MIPOL1: variants seen among roughly 807,000 people sequenced by gnomAD.
MIPOL1 encodes mirror-image polydactyly 1, also known as mirror-image polydactyly gene 1 protein.
A neutral mutation model predicts 60.9 loss-of-function variants in MIPOL1; 57 were observed. The observed-to-expected ratio is 0.94, with a 90% CI of 0.76 to 1.17. The LOEUF (loss-of-function observed/expected upper bound fraction) is 1.17. Ranked by LOEUF, MIPOL1 falls within the 50% of genes most tolerant of loss-of-function variation. The pLI, the probability that MIPOL1 is intolerant of heterozygous loss-of-function variation, is 0.00. For missense variants in MIPOL1, 551 were observed against 511.6 expected (o/e 1.08, Z -0.74); for synonymous variants, 179 against 168.8 (o/e 1.06, Z -0.47).
intron 1 of MIPOL1, among the ~76,000 whole-genome samples, chr14:37,234,783 T>C (rs1193357711): frequency 6.7e-6 from 1 of 148,440 alleles, no homozygotes; most frequent in Non-Finnish European, 1.5e-5. Context: ...GCTGAATTCT[T>C]TTTTTTTTTT....
chr14:37,482,495 A>AG (rs925555670), intron 11 of MIPOL1, among the ~76,000 whole-genome samples: 3 of 152,094 alleles, frequency 2.0e-5, no homozygotes, highest in Admixed American at 6.6e-5. Flanking sequence ...CACATGGCTG[A>AG]GGGGGGCCTC....
At chr14:37,272,311 C>T (rs2083357392) in intron 6 of MIPOL1, among the ~76,000 whole-genome samples, 1 of 151,462 alleles carries the variant, frequency 6.6e-6, no homozygotes, top group South Asian at 2.1e-4. Context: ...TATCTTTCCT[C>T]TTTAATATTT....
At chr14:37,237,578 G>A (rs1467996148) in intron 1 of MIPOL1, among the ~76,000 whole-genome samples, 1 of 152,018 alleles carries the variant, frequency 6.6e-6, no homozygotes, top group East Asian at 1.9e-4. Context: ...CCACTATTTT[G>A]CTAACATCTC....
chr14:37,222,386 C>G lies in MIPOL1; in HGVS notation c.-199+24282C>G, dbSNP rs372502150. ...TACAGGCATGCATCAACACACCTGGCTTTTTTTTTTTTTTTTTAACTTATT... is the reference window on the plus strand; with the variant it reads ...TACAGGCATGCATCAACACACCTGGGTTTTTTTTTTTTTTTTTAACTTATT... On this transcript the variant is annotated intron_variant, in intron 1 of 12. Coordinates refer to ENST00000684589, the MANE Select transcript of MIPOL1 (RefSeq NM_001388067.1). Among the ~76,000 whole-genome samples the G allele has an allele frequency of 3.4e-3, 446 of 132,956 alleles. 3 individuals carry two copies. The highest frequency in any genetic ancestry group is 0.012 in the African/African-American group (422 of 36,244). 87.2% of individuals were successfully genotyped at this position (132,956 alleles called of 152,430 possible). A position where few individuals can be genotyped will look rare whatever the true frequency, so the allele number is the denominator to read the frequency against.
intron 10 of MIPOL1, among the ~76,000 whole-genome samples, chr14:37,372,027 A>G (rs900749742): frequency 3.9e-5 from 6 of 152,112 alleles, no homozygotes; most frequent in African/African-American, 1.4e-4. Context: ...ACAACTCTTT[A>G]AAAACGATTC....
At chr14:37,463,561 G>C (rs185831761) in intron 11 of MIPOL1, among the ~76,000 whole-genome samples, 1 of 152,254 alleles carries the variant, frequency 6.6e-6, no homozygotes. Flanking sequence ...GCCATATGCA[G>C]AATAGTTAAA....
At chr14:37,240,308 A>G (rs1218542022) in intron 1 of MIPOL1, 1 of 152,220 alleles carries the variant, frequency 6.6e-6, no homozygotes, top group African/African-American at 2.4e-5. Context: ...AAAGACCTAA[A>G]TGATTATTTT....
intron 6 of MIPOL1, among the ~76,000 whole-genome samples, chr14:37,274,163 A>G (rs2083479358): frequency 6.6e-6 from 1 of 151,502 alleles, no homozygotes; most frequent in Admixed American, 6.6e-5. Context: ...ATTCAAAATA[A>G]AAGAAATGAG....
intron 9 of MIPOL1, among the ~76,000 whole-genome samples, chr14:37,359,626 G>A (rs200943576): frequency 1.1e-4 from 1 of 9,040 alleles, no homozygotes; most frequent in South Asian, 0.015. Flanking sequence ...TCATTATTTG[G>A]CTCTCTGTTA....
chr14:37,531,954 G>A (rs532976002), intron 12 of MIPOL1, among the ~76,000 whole-genome samples: 1 of 151,992 alleles, frequency 6.6e-6, no homozygotes, highest in Non-Finnish European at 1.5e-5. Context: ...TCCCATGCCC[G>A]CCGTACATTA....
rs1352632212 is a variant in MIPOL1 at position 37,549,454 on chromosome 14, T to C, written c.*2483T>C. Reference sequence around the variant, plus strand: ...GATAATTTTAGTATTACTGTCATTATAATTATTATTATATTCATTCTACAG... The same window carrying C: ...GATAATTTTAGTATTACTGTCATTACAATTATTATTATATTCATTCTACAG... On this transcript the variant is annotated 3_prime_UTR_variant, in exon 13 of 13. Transcript: ENST00000684589. 6.6e-6 allele frequency: 1 copy of C among 151,818 alleles called. No individual in the cohort carries two copies. The highest frequency in any genetic ancestry group is 1.5e-5 in the Non-Finnish European group (1 of 67,800). 9.4% of individuals were successfully genotyped at this position (151,818 alleles called of 1,614,324 possible). A position where few individuals can be genotyped will look rare whatever the true frequency, so the allele number is the denominator to read the frequency against.
intron 9 of MIPOL1, among the ~76,000 whole-genome samples, chr14:37,313,792 A>G (rs918916335): frequency 1.4e-4 from 21 of 152,306 alleles, no homozygotes; most frequent in African/African-American, 4.1e-4. Context: ...AGGCTTGATT[A>G]TAATTAGTTC....
chr14:37,545,632 ATTTTG>A (rs1258822166), intron 12 of MIPOL1: 7 of 639,948 alleles, frequency 1.1e-5, no homozygotes, highest in African/African-American at 3.7e-5. Context: ...GCACTGAATA[ATTTTG>A]TTTTATTTTC....
chr14:37,307,189 A>G (rs1311976455), intron 7 of MIPOL1, among the ~76,000 whole-genome samples: 1 of 151,856 alleles, frequency 6.6e-6, no homozygotes, highest in Non-Finnish European at 1.5e-5. Flanking sequence ...AACTTGAGAA[A>G]ACAGAAACTT....
At chr14:37,535,162 T>C (rs1009677803) in intron 12 of MIPOL1, among the ~76,000 whole-genome samples, 14 of 152,276 alleles carry the variant, frequency 9.2e-5, no homozygotes, top group African/African-American at 3.4e-4. Context: ...TAGTAGGTAT[T>C]AATTGATATG....
In MIPOL1 at chr14:37,369,511, T is replaced by G. The variant is rs777172631; in HGVS notation, c.829-6T>G. Reference sequence around the variant, plus strand: ...TTTACTTAATGGGATTCTTCCCCTGTGGCAGTGCAAACGGTTAGAGCAGGA... The same window carrying G: ...TTTACTTAATGGGATTCTTCCCCTGGGGCAGTGCAAACGGTTAGAGCAGGA... On this transcript the variant is annotated splice_region_variant and splice_polypyrimidine_tract_variant and intron_variant, in intron 9 of 12. Coordinates refer to ENST00000684589, the MANE Select transcript of MIPOL1 (RefSeq NM_001388067.1). 6.2e-7 allele frequency: 1 copy of G among 1,607,128 alleles called. No individual in the cohort carries two copies. The highest frequency in any genetic ancestry group is 1.1e-5 in the South Asian group (1 of 90,520).
intron 11 of MIPOL1, among the ~76,000 whole-genome samples, chr14:37,440,137 A>G (rs1439542453): frequency 1.3e-5 from 2 of 152,184 alleles, no homozygotes; most frequent in Admixed American, 6.6e-5. Context: ...ATGAGCCACT[A>G]CACCTGGCCT....
At chr14:37,228,566 C>T (rs79551853) in intron 1 of MIPOL1, among the ~76,000 whole-genome samples, 5,195 of 152,034 alleles carry the variant, frequency 0.034, 225 homozygotes, top group East Asian at 0.24. Flanking sequence ...ATGATGGCAC[C>T]ATGACCCAGA....
At chr14:37,293,119 A>G (rs1178558986) in intron 7 of MIPOL1, among the ~76,000 whole-genome samples, 1 of 140,362 alleles carries the variant, frequency 7.1e-6, no homozygotes, top group Non-Finnish European at 1.6e-5. Flanking sequence ...TTCTTACGTA[A>G]TAAGGCTTTT....
Sources: allele counts gnomAD v4.1 joint callset (sites outside exome capture counted in the v4.1 genomes callset), GRCh38; gene constraint gnomAD v4.1.1; transcripts MANE v1.5; gene names NCBI Gene and HGNC (gene_info 2026-07-23, HGNC 2026-07-21).